The following TPCN2 variants were observed in gnomAD, a reference collection of about 807,000 sequenced individuals.
The protein encoded by TPCN2 is two pore channel protein 2.
Under a neutral mutation model 111.4 loss-of-function variants are expected in TPCN2, and 92 were observed. The observed-to-expected ratio is 0.83, with a 90% confidence interval of 0.70 to 0.98. The LOEUF (loss-of-function observed/expected upper bound fraction) is 0.98. Ranked by LOEUF, TPCN2 falls within the 50% of genes least tolerant of loss-of-function variation. The pLI is 0.00. For synonymous variants in TPCN2, 405 were observed against 414.5 expected (o/e 0.98, Z 0.28); for missense variants, 995 against 980.1 (o/e 1.02, Z -0.20).
rs1856378042 is a variant in TPCN2, at chr11:69,089,365, C to G, written c.*1412C>G. Reference sequence around the variant, plus strand: ...AGTGGTTGCCGTTCTGGCCCTGCACCCTCTGTGCTTTGGGACGGCGTCCAA... The same window carrying G: ...AGTGGTTGCCGTTCTGGCCCTGCACGCTCTGTGCTTTGGGACGGCGTCCAA... On this transcript the variant is annotated 3_prime_UTR_variant, in exon 25 of 25. Transcript: ENST00000294309. 1 of 152,234 alleles carries G rather than the reference C, an allele frequency of 6.6e-6. No individual in the cohort carries two copies. Among genetic ancestry groups the G allele is most frequent in the East Asian group, 1.9e-4 (1 of 5,208 alleles). The allele number at this position is 152,234 out of a possible 1,614,324, so 9.4% of individuals were successfully genotyped here. A position where few individuals can be genotyped will look rare whatever the true frequency, so the allele number is the denominator to read the frequency against.
chr11:69,072,850 C>T (rs924426458), intron 12 of TPCN2, 65 bp from the exon 13 acceptor site: 96 of 1,525,280 alleles, frequency 6.3e-5, no homozygotes, highest in Admixed American at 1.2e-4. Context: ...GGGCTGGGGG[C>T]GCTCACCTTC....
chr11:69,074,250 T>C (rs1855658098), intron 13 of TPCN2, among the ~76,000 whole-genome samples: 1 of 152,210 alleles, frequency 6.6e-6, no homozygotes, highest in African/African-American at 2.4e-5. Context: ...TGAGCTTGAG[T>C]GCCACGCACT....
rs551527390 is a variant in TPCN2, at chr11:69,051,799, C to T, written c.110-2234C>T. ...GGGATGGTGCTCCTGGCAGAAGCAG[C>T]AGCCTGAGTAAAGGGTTGGAGGCTT... On this transcript the variant is annotated intron_variant, in intron 1 of 24. Coordinates refer to ENST00000294309, the MANE Select transcript of TPCN2 (RefSeq NM_139075.4). Among the ~76,000 whole-genome samples the T allele has an allele frequency of 3.3e-5, 5 of 152,306 alleles. No homozygotes were observed. The South Asian group carries it at 1.0e-3, about 32-fold the overall frequency.
At chr11:69,053,897 C>T in intron 1 of TPCN2, 136 bp from the exon 2 acceptor site, 1 of 730,890 alleles carries the variant, frequency 1.4e-6, no homozygotes, top group Non-Finnish European at 2.3e-6. Flanking sequence ...TGCAGCCCCA[C>T]TGCCGGGTGG....
rs567392086 is a variant in TPCN2, at chr11:69,085,388, A to G, written c.1838+102A>G. 6.6e-6 allele frequency: 8 copies of G among 1,206,144 alleles called. No homozygotes were observed. The East Asian group carries it at 1.6e-4, about 25-fold the overall frequency. The allele number at this position is 1,206,144 out of a possible 1,614,324, so 74.7% of individuals were successfully genotyped here. A position where few individuals can be genotyped will look rare whatever the true frequency, so the allele number is the denominator to read the frequency against. ...AGTGGGCTCAGCATCTCAGGATGGG[A>G]GGGTGTTCTCCCAGTTCCTTCGTCT... On this transcript the variant is annotated intron_variant, in intron 20 of 24. Coordinates refer to ENST00000294309, the MANE Select transcript of TPCN2 (RefSeq NM_139075.4).
chr11:69,064,981 A>G (rs58489208), intron 7 of TPCN2, among the ~76,000 whole-genome samples: 41,384 of 146,826 alleles, frequency 0.28, 6,012 homozygotes, highest in South Asian at 0.46. Context: ...TGGTGTCTGT[A>G]TGTCTGTGTG....
At chr11:69,085,310 CAG>C in intron 20 of TPCN2, 24 bp downstream of exon 20, 1 of 1,529,544 alleles carries the variant, frequency 6.5e-7, no homozygotes, top group Non-Finnish European at 8.9e-7. Context: ...CGAGGTGCCA[CAG>C]GGAGTGTCTC....
intron 17 of TPCN2, 56 bp downstream of exon 17, chr11:69,079,939 G>A (rs567420892): frequency 4.5e-6 from 7 of 1,560,400 alleles, no homozygotes; most frequent in Admixed American, 1.7e-5. Flanking sequence ...ACCACCCAGC[G>A]CCCCTGGGAG....
At chr11:69,049,943 C>G (rs1861146455) in intron 1 of TPCN2, among the ~76,000 whole-genome samples, 1 of 152,246 alleles carries the variant, frequency 6.6e-6, no homozygotes, top group South Asian at 2.1e-4. Context: ...TCACAGCCCT[C>G]TGTTCTGGTG....
chr11:69,060,030 A>C (rs1013492058), intron 5 of TPCN2, among the ~76,000 whole-genome samples: 4 of 152,240 alleles, frequency 2.6e-5, no homozygotes, highest in African/African-American at 7.2e-5. Context: ...CCTCTCCACG[A>C]TGCCCATGGT....
At chr11:69,052,169 C>T (rs190959671) in intron 1 of TPCN2, among the ~76,000 whole-genome samples, 5 of 152,210 alleles carry the variant, frequency 3.3e-5, no homozygotes, top group South Asian at 2.1e-4. Flanking sequence ...GAGTACTTTC[C>T]GTGGTCCTGG....
At chr11:69,051,759 G>A (rs779636564) in intron 1 of TPCN2, among the ~76,000 whole-genome samples, 3 of 152,212 alleles carry the variant, frequency 2.0e-5, no homozygotes, top group Non-Finnish European at 4.4e-5. Flanking sequence ...GGGAGTCCCT[G>A]GACTCACAAA....
rs201110506 is a variant in TPCN2 at position 69,053,994 on chromosome 11, A to T, written c.110-39A>T. 1.4e-4 allele frequency: 224 copies of T among 1,584,060 alleles called. 2 individuals are homozygous for T. The African/African-American group carries it at 2.7e-3, about 19-fold the overall frequency. ...GTATCCTGGAGGGTGAGGCCATGTC[A>T]TCCTGCTCGGTCACCTGATGTGTCC... On this transcript the variant is annotated intron_variant, in intron 1 of 24. Transcript: ENST00000294309.
intron 13 of TPCN2, among the ~76,000 whole-genome samples, chr11:69,077,060 A>G (rs112939185): frequency 0.059 from 319 of 5,416 alleles, 1 homozygote; most frequent in Middle Eastern, 0.5. Context: ...CCCTCGTGCC[A>G]TGTCCCTCCA....
rs142221271 is a variant in TPCN2, at chr11:69,055,226, C to T, written c.303C>T (p.Thr101=). 1 of 1,614,274 alleles carries T rather than the reference C, an allele frequency of 6.2e-7. No individual in the cohort carries two copies. The highest frequency in any genetic ancestry group is 1.1e-5 in the South Asian group (1 of 91,092). The change falls in exon 4 of 25, where the codon ACC becomes ACT. Residue 101 remains threonine (T), a synonymous_variant. Coordinates refer to ENST00000294309, the MANE Select transcript of TPCN2 (RefSeq NM_139075.4). ...TCCTGTTTTTGGCTTTTATCGAGAC[C>T]CCATCCTCACTCACCAGCACGGCGG... The part of the protein sequence containing the change: ...FLILFLAFIE[T]PSSLTSTADV...
intron 11 of TPCN2, among the ~76,000 whole-genome samples, 194 bp downstream of exon 11, chr11:69,072,217 T>G (rs1855565369): frequency 7.2e-6 from 1 of 139,174 alleles, no homozygotes; most frequent in African/African-American, 2.5e-5. Context: ...TCCATGCCTT[T>G]GTCTTCGTGC....
chr11:69,066,312 C>T (rs1050943612), intron 7 of TPCN2, among the ~76,000 whole-genome samples: 1 of 152,216 alleles, frequency 6.6e-6, no homozygotes, highest in Non-Finnish European at 1.5e-5. Context: ...TGCTCCTCCA[C>T]TCTGGCTTGG....
Position 69,069,329 on chromosome 11 carries a change from C to T in TPCN2, c.830-1101C>T, listed in dbSNP as rs555936578. ...GAAGTGACCGCAGTGGGAGCAGGAC[C>T]ATCTGAGTCCTAGGAAGTTACCGCA... On this transcript the variant is annotated intron_variant, in intron 8 of 24. Transcript: ENST00000294309. Among the ~76,000 whole-genome samples the T allele has an allele frequency of 9.2e-4, 22 of 23,864 alleles. 2 individuals are homozygous for T. Among genetic ancestry groups the T allele is most frequent in the African/African-American group, 2.3e-3 (21 of 9,332 alleles). 15.7% of individuals were successfully genotyped at this position (23,864 alleles called of 152,430 possible). A position where few individuals can be genotyped will look rare whatever the true frequency, so the allele number is the denominator to read the frequency against.
intron 24 of TPCN2, 145 bp downstream of exon 24, chr11:69,087,351 G>C: frequency 1.4e-6 from 1 of 689,854 alleles, no homozygotes; most frequent in Non-Finnish European, 2.5e-6. Flanking sequence ...CTGTGCTCTA[G>C]GAGAGCAGCT....
Sources: allele counts gnomAD v4.1 joint callset (sites outside exome capture counted in the v4.1 genomes callset), GRCh38; gene constraint gnomAD v4.1.1; transcripts MANE v1.5; gene names NCBI Gene and HGNC (gene_info 2026-07-23, HGNC 2026-07-21).